Variants in TMCC1 observed in about 807,000 individuals in gnomAD.
TMCC1 encodes transmembrane and coiled-coil domain family 1.
TMCC1 carries 15 observed loss-of-function variants against 52.4 expected under a neutral mutation model. That is an observed-to-expected ratio of 0.29 (90% CI 0.19 to 0.44). The LOEUF (loss-of-function observed/expected upper bound fraction) is 0.44, where lower values mean the gene tolerates loss of function less well. Ranked by LOEUF, TMCC1 falls within the 20% of genes least tolerant of loss-of-function variation. TMCC1 has a pLI of 1.00. For missense variants in TMCC1, 503 were observed against 806.0 expected, an observed-to-expected ratio of 0.62 and a Z score of 4.55; for synonymous variants, 279 against 301.9, an observed-to-expected ratio of 0.92 and a Z score of 0.79.
intron 1 of TMCC1, among the ~76,000 whole-genome samples, chr3:129,890,902 T>C (rs1016775032): frequency 6.6e-6 from 1 of 152,166 alleles, no homozygotes; most frequent in Non-Finnish European, 1.5e-5. Context: ...CACTGCAGTC[T>C]TACTCCATGG....
chr3:129,842,078 T>C (rs1016399809), intron 2 of TMCC1, among the ~76,000 whole-genome samples: 1 of 152,176 alleles, frequency 6.6e-6, no homozygotes, highest in Non-Finnish European at 1.5e-5. Flanking sequence ...TCAAAATACA[T>C]GAGGCAAAAC....
chr3:129,879,030 T>A (rs1417608613), intron 2 of TMCC1, among the ~76,000 whole-genome samples: 1 of 152,232 alleles, frequency 6.6e-6, no homozygotes, highest in South Asian at 2.1e-4. Flanking sequence ...ACCTTCTGTA[T>A]GAAGCCATCT....
chr3:129,783,109 G>C (rs1017744839), intron 4 of TMCC1, among the ~76,000 whole-genome samples: 2 of 152,118 alleles, frequency 1.3e-5, no homozygotes, highest in Non-Finnish European at 2.9e-5. Flanking sequence ...CAGTTAGTTG[G>C]GTTAGGTATG....
At chr3:129,795,936 A>G (rs1560437275) in intron 4 of TMCC1, among the ~76,000 whole-genome samples, 1 of 152,218 alleles carries the variant, frequency 6.6e-6, no homozygotes, top group African/African-American at 2.4e-5. Flanking sequence ...GCACAAGAGG[A>G]GTGGTGCTGG....
intron 4 of TMCC1, among the ~76,000 whole-genome samples, chr3:129,772,251 G>A (rs1446807343): frequency 2.0e-5 from 3 of 152,164 alleles, no homozygotes; most frequent in African/African-American, 4.8e-5. Flanking sequence ...CCAGGCTGAG[G>A]TGGGAGGATT....
intron 2 of TMCC1, among the ~76,000 whole-genome samples, chr3:129,854,511 TA>T (rs2060064116): frequency 6.6e-6 from 1 of 152,154 alleles, no homozygotes; most frequent in African/African-American, 2.4e-5. Flanking sequence ...ACATGACCTA[TA>T]AAAACCTAAT....
intron 2 of TMCC1, among the ~76,000 whole-genome samples, chr3:129,841,598 A>ATAT: frequency 6.6e-6 from 1 of 152,288 alleles, no homozygotes; most frequent in Admixed American, 6.5e-5. Context: ...AATAATAATA[A>ATAT]TAATGAAAAT....
At chr3:129,668,821 C>A (rs1421772812) in intron 5 of TMCC1, among the ~76,000 whole-genome samples, 2 of 152,138 alleles carry the variant, frequency 1.3e-5, no homozygotes, top group Non-Finnish European at 1.5e-5. Flanking sequence ...GACAAGGTTT[C>A]TCCATGTTGG....
At chr3:129,881,727 T>C (rs535196147) in intron 1 of TMCC1, among the ~76,000 whole-genome samples, 1 of 152,110 alleles carries the variant, frequency 6.6e-6, no homozygotes, top group East Asian at 1.9e-4. Context: ...TAAAATGAAA[T>C]ACATTGGATG....
chr3:129,758,671 A>G (rs772224168), intron 4 of TMCC1, among the ~76,000 whole-genome samples: 2 of 152,160 alleles, frequency 1.3e-5, no homozygotes, highest in African/African-American at 4.8e-5. Context: ...GGGTTTTTGT[A>G]TAAGTGCTTT....
chr3:129,843,860 T>A (rs1342250073), intron 2 of TMCC1, among the ~76,000 whole-genome samples: 1 of 142,670 alleles, frequency 7.0e-6, no homozygotes, highest in Non-Finnish European at 1.5e-5. Flanking sequence ...ATTTCCCAAC[T>A]CATTTTATGA....
intron 2 of TMCC1, among the ~76,000 whole-genome samples, chr3:129,877,359 C>A (rs1283901786): frequency 2.0e-5 from 3 of 152,158 alleles, no homozygotes; most frequent in African/African-American, 7.2e-5. Flanking sequence ...TACCCTCTAA[C>A]CTAGTTCTCA....
At chr3:129,685,168 A>G (rs574933965) in intron 4 of TMCC1, among the ~76,000 whole-genome samples, 1 of 152,240 alleles carries the variant, frequency 6.6e-6, no homozygotes, top group East Asian at 1.9e-4. Flanking sequence ...TAGCTTGAGG[A>G]CAGGAGTTTA....
intron 2 of TMCC1, among the ~76,000 whole-genome samples, chr3:129,866,527 G>A (rs1406781622): frequency 4.6e-5 from 7 of 150,998 alleles, no homozygotes; most frequent in African/African-American, 1.7e-4. Context: ...ACAGGCATGC[G>A]CCACCACGCC....
At chr3:129,816,208 T>C (rs2058088895) in intron 4 of TMCC1, among the ~76,000 whole-genome samples, 1 of 152,178 alleles carries the variant, frequency 6.6e-6, no homozygotes, top group Non-Finnish European at 1.5e-5. Flanking sequence ...AACTACCATA[T>C]GACCCAGGAA....
chr3:129,663,291 A>G (rs375942351), intron 5 of TMCC1, among the ~76,000 whole-genome samples: 158 of 152,322 alleles, frequency 1.0e-3, no homozygotes, highest in African/African-American at 3.4e-3. Context: ...AGCACAGGAT[A>G]GCTGAAGAAA....
At chr3:129,652,461 G>C (rs577546305) in intron 6 of TMCC1, among the ~76,000 whole-genome samples, 16 of 152,130 alleles carry the variant, frequency 1.1e-4, no homozygotes, top group Non-Finnish European at 2.2e-4. Flanking sequence ...TGGCACAAAT[G>C]ACCAGCATTA....
chr3:129,707,339 GAAAGGGACCTT>G (rs2048324580), intron 4 of TMCC1, among the ~76,000 whole-genome samples: 1 of 152,210 alleles, frequency 6.6e-6, no homozygotes, highest in Non-Finnish European at 1.5e-5. Flanking sequence ...AATGAGAATT[GAAAGGGACCTT>G]AAAAGATGGT....
intron 4 of TMCC1, among the ~76,000 whole-genome samples, chr3:129,813,986 T>A (rs891562545): frequency 1.9e-4 from 13 of 67,276 alleles, no homozygotes; most frequent in Admixed American, 6.5e-4. Flanking sequence ...TTTTTCCTTA[T>A]TTTTTTTTTT....
Sources: allele counts gnomAD v4.1 joint callset (sites outside exome capture counted in the v4.1 genomes callset), GRCh38; gene constraint gnomAD v4.1.1; transcripts MANE v1.5; gene names NCBI Gene and HGNC (gene_info 2026-07-23, HGNC 2026-07-21).